Variants in NARS1 observed in about 807,000 individuals in gnomAD.
NARS1 encodes the protein asparaginyl-tRNA synthetase 1.
NARS1 carries 65 observed loss-of-function variants against 79.2 expected under a neutral mutation model. That is an observed-to-expected ratio of 0.82 (90% CI 0.67 to 1.01). The LOEUF (loss-of-function observed/expected upper bound fraction) is 1.01. Ranked by LOEUF, NARS1 falls within the 50% of genes least tolerant of loss-of-function variation. The probability of loss-of-function intolerance (pLI) is 0.00; values close to 1 mark genes in which losing one functional copy is unlikely to be tolerated. For missense variants in NARS1, 649 were observed against 673.8 expected (o/e 0.96, Z 0.41); for synonymous variants, 229 against 238.8 (o/e 0.96, Z 0.38).
intron 5 of NARS1, among the ~76,000 whole-genome samples, chr18:57,612,328 C>T (rs1282453624): frequency 6.6e-6 from 1 of 152,132 alleles, no homozygotes; most frequent in African/African-American, 2.4e-5. Context: ...ACTGTGCACT[C>T]GGTGATACAT....
At chr18:57,611,602 C>G (rs1035341762) in intron 6 of NARS1, 35 bp downstream of exon 6, 3 of 1,402,682 alleles carry the variant, frequency 2.1e-6, no homozygotes, top group Non-Finnish European at 3.0e-6. Context: ...CTGAAAACAT[C>G]TAATTTTCAG....
At chr18:57,619,062 G>T (rs1908180949) in intron 2 of NARS1, among the ~76,000 whole-genome samples, 1 of 152,124 alleles carries the variant, frequency 6.6e-6, no homozygotes, top group Admixed American at 6.6e-5. Context: ...AAAAGGGGAT[G>T]CACAGAAAAA....
Position 57,613,642 on chromosome 18 carries a change from T to C in NARS1, c.381A>G (p.Arg127=), listed in dbSNP as rs748040191. Residue 127 remains arginine, a synonymous_variant, in exon 5 of 14, where the codon AGA becomes AGG. Transcript: ENST00000256854. ...TGTGGACCCAGCCAAACACCTTTAC[T>C]CTTTGGCCTCTATATCCTTCTAACG... ...IGALEGYRGQ[R]VKVFGWVHRL... 1.9e-6 allele frequency: 3 copies of C among 1,614,200 alleles called. No homozygotes were observed. The highest frequency in any genetic ancestry group is 2.5e-6 in the Non-Finnish European group (3 of 1,180,024).
At chr18:57,613,494 G>GA in intron 5 of NARS1, 108 bp downstream of exon 5, 5 of 965,542 alleles carry the variant, frequency 5.2e-6, no homozygotes, top group Admixed American at 2.5e-5. Context: ...CTGTGTCTAA[G>GA]AAAAAAAGGG....
chr18:57,612,005 C>G (rs2051608339), intron 5 of NARS1, among the ~76,000 whole-genome samples: 1 of 152,128 alleles, frequency 6.6e-6, no homozygotes, highest in Non-Finnish European at 1.5e-5. Flanking sequence ...AATCCTCCTA[C>G]CTCAGCCTCC....
chr18:57,616,545 A>G (rs969981668), intron 2 of NARS1, among the ~76,000 whole-genome samples: 3 of 152,216 alleles, frequency 2.0e-5, no homozygotes, highest in Admixed American at 6.6e-5. Context: ...GACTATAAGC[A>G]ACAGATCTTA....
intron 2 of NARS1, among the ~76,000 whole-genome samples, chr18:57,617,709 G>A (rs1238963231): frequency 6.6e-6 from 1 of 151,450 alleles, no homozygotes; most frequent in African/African-American, 2.4e-5. Context: ...GAGGTCAGGA[G>A]TTCGAGACCA....
chr18:57,606,973 G>C, intron 9 of NARS1, 161 bp downstream of exon 9: 1 of 928,302 alleles, frequency 1.1e-6, no homozygotes, highest in Non-Finnish European at 1.6e-6. Flanking sequence ...AGAGAACTTA[G>C]CTACGATCTA....
Position 57,615,920 on chromosome 18 carries a change from T to TTGTGATTC in NARS1, c.148_149insGAATCACA (p.Lys50ArgfsTer17). 6 of 1,613,498 alleles carry TTGTGATTC rather than the reference T, an allele frequency of 3.7e-6. No homozygotes were observed. Among genetic ancestry groups the TTGTGATTC allele is most frequent in the Non-Finnish European group, 5.1e-6 (6 of 1,179,790 alleles). On this transcript the variant is annotated frameshift_variant, in exon 3 of 14. Coordinates refer to ENST00000256854, the MANE Select transcript of NARS1 (RefSeq NM_004539.4). LOFTEE classifies it high-confidence loss of function. ...AATAACATTCCACCTCTCATTTTCT[T>TTGTGATTC]TTTGTGAATCTACGTAAATGGTAGG...
chr18:57,620,645 A>G lies in NARS1; in HGVS notation c.17T>C (p.Leu6Pro), dbSNP rs1334131327. 2 of 1,610,096 alleles carry G rather than the reference A, an allele frequency of 1.2e-6. No individual in the cohort carries two copies. Among genetic ancestry groups the G allele is most frequent in the Admixed American group, 1.7e-5 (1 of 59,176 alleles). The change falls in exon 2 of 14, where the codon CTG becomes CCG. Residue 6 changes from leucine to proline, a missense_variant. Leu to Pro is a moderately conservative substitution (Grantham distance 98). Coordinates refer to ENST00000256854, the MANE Select transcript of NARS1 (RefSeq NM_004539.4). ...GCTTCCCTCTCGGTCAGAGACGTAC[A>G]GCTCTGCTGTTTGACAAAATGAGGG... MVLAE[L>P]YVSDREGSDA...
intron 11 of NARS1, among the ~76,000 whole-genome samples, 198 bp downstream of exon 11, chr18:57,605,659 G>T (rs2051548868): frequency 6.6e-6 from 1 of 151,796 alleles, no homozygotes; most frequent in South Asian, 2.1e-4. Context: ...TACGCTTACT[G>T]GGTGGTACAG....
intron 5 of NARS1, among the ~76,000 whole-genome samples, chr18:57,612,586 C>A (rs1242788294): frequency 6.6e-6 from 1 of 152,158 alleles, no homozygotes; most frequent in Non-Finnish European, 1.5e-5. Flanking sequence ...CAGGTGCTCA[C>A]AACCACACCC....
In NARS1 at chr18:57,605,786, GTTCA is replaced by G; in HGVS notation, c.1251+67_1251+70del. 7 of 1,022,078 alleles carry G rather than the reference GTTCA, an allele frequency of 6.8e-6. No individual in the cohort carries two copies. In the South Asian group the frequency reaches 1.0e-4, roughly 15 times the overall value. The allele number at this position is 1,022,078 out of a possible 1,614,324, so 63.3% of individuals were successfully genotyped here. A position where few individuals can be genotyped will look rare whatever the true frequency, so the allele number is the denominator to read the frequency against. On this transcript the variant is annotated intron_variant, in intron 11 of 13. Transcript: ENST00000256854. ...CAGGCAGATGCCACCCATGTTACTA[GTTCA>G]TTAACCAGAAGAAGAGAATTGGAGC...
chr18:57,612,720 G>C (rs1283146853), intron 5 of NARS1, among the ~76,000 whole-genome samples: 1 of 152,228 alleles, frequency 6.6e-6, no homozygotes, highest in African/African-American at 2.4e-5. Flanking sequence ...ATAGGCGTGA[G>C]CCACCGCACC....
At chr18:57,611,341 C>G (rs1255264614) in intron 6 of NARS1, among the ~76,000 whole-genome samples, 1 of 152,012 alleles carries the variant, frequency 6.6e-6, no homozygotes, top group African/African-American at 2.4e-5. Context: ...CAGTATCATA[C>G]CAGGATTAGC....
Position 57,621,764 on chromosome 18 carries a change from G to T in NARS1, c.-47C>A. ...CTCCAAGGACACAGACTGCAACACC[G>T]ACGCCGTCTTATGACTCCAACGTGC... On this transcript the variant is annotated 5_prime_UTR_variant, in exon 1 of 14. Transcript: ENST00000256854. 2 of 1,613,592 alleles carry T rather than the reference G, an allele frequency of 1.2e-6. No individual in the cohort carries two copies. The highest frequency in any genetic ancestry group is 1.7e-6 in the Non-Finnish European group (2 of 1,179,946).
intron 11 of NARS1, among the ~76,000 whole-genome samples, chr18:57,604,384 T>C (rs2051536436): frequency 6.7e-6 from 1 of 149,754 alleles, no homozygotes; most frequent in South Asian, 2.1e-4. Flanking sequence ...AATACCTCCA[T>C]CTCTTTAAAA....
chr18:57,617,146 G>A (rs1044500886), intron 2 of NARS1, among the ~76,000 whole-genome samples: 1 of 152,062 alleles, frequency 6.6e-6, no homozygotes, highest in African/African-American at 2.4e-5. Context: ...ATATTTTAAA[G>A]CCTCAAATAA....
chr18:57,606,374 AT>A lies in NARS1; in HGVS notation c.1137+241del, dbSNP rs2051557411. On this transcript the variant is annotated intron_variant, in intron 10 of 13. Coordinates refer to ENST00000256854, the MANE Select transcript of NARS1 (RefSeq NM_004539.4). ...AAAAAATATATATATATATATATAT[AT>A]ATATAACTTCAGACTAGAAAACTAT... Among the ~76,000 whole-genome samples, 6 of 149,570 alleles carry A rather than the reference AT, an allele frequency of 4.0e-5. No homozygotes were observed. The South Asian group carries it at 1.3e-3, about 31-fold the overall frequency.
Sources: allele counts gnomAD v4.1 joint callset (sites outside exome capture counted in the v4.1 genomes callset), GRCh38; gene constraint gnomAD v4.1.1; transcripts MANE v1.5; gene names NCBI Gene and HGNC (gene_info 2026-07-23, HGNC 2026-07-21).